DDAH1: variants seen among roughly 807,000 people sequenced by gnomAD.
DDAH1 encodes the protein dimethylarginine dimethylaminohydrolase 1.
In DDAH1, 19 loss-of-function variants were observed where a neutral mutation model predicts 28.8. That is an observed-to-expected ratio of 0.66 (90% CI 0.46 to 0.97). The LOEUF is 0.97. DDAH1 is among the 50% of genes least tolerant of loss of function. The pLI is 0.00. For synonymous variants in DDAH1, 153 were observed against 154.4 expected (o/e 0.99, Z 0.07); for missense variants, 326 against 375.9 (o/e 0.87, Z 1.10).
chr1:85,504,432 C>T (rs1294480457), intron 1 of DDAH1, among the ~76,000 whole-genome samples: 3 of 152,044 alleles, frequency 2.0e-5, no homozygotes, highest in African/African-American at 4.8e-5. Flanking sequence ...ATAAAATCTC[C>T]TGGGTCACTC....
intron 1 of DDAH1, among the ~76,000 whole-genome samples, chr1:85,444,477 CT>C (rs1557638887): frequency 6.6e-6 from 1 of 152,206 alleles, no homozygotes; most frequent in Non-Finnish European, 1.5e-5. Flanking sequence ...CTAAAATTCT[CT>C]TTTTTTGTTG....
chr1:85,557,705 T>C (rs1486380985), intron 1 of DDAH1, among the ~76,000 whole-genome samples: 2 of 152,170 alleles, frequency 1.3e-5, no homozygotes, highest in African/African-American at 2.4e-5. Flanking sequence ...TATTTGGAGA[T>C]AGGGTCTTTA....
At chr1:85,504,407 T>C (rs1381257620) in intron 1 of DDAH1, among the ~76,000 whole-genome samples, 1 of 152,158 alleles carries the variant, frequency 6.6e-6, no homozygotes, top group African/African-American at 2.4e-5. Context: ...CTCTCAACAA[T>C]AGTCTTTGGC....
chr1:85,361,997 C>T (rs1649820508), intron 1 of DDAH1, among the ~76,000 whole-genome samples: 1 of 152,138 alleles, frequency 6.6e-6, no homozygotes, highest in Non-Finnish European at 1.5e-5. Context: ...GTGACAGATA[C>T]TTGTACTATA....
chr1:85,442,314 T>C (rs1654235137), intron 1 of DDAH1, among the ~76,000 whole-genome samples: 1 of 152,166 alleles, frequency 6.6e-6, no homozygotes, highest in African/African-American at 2.4e-5. Flanking sequence ...TTGCTGAGAA[T>C]GATGGTTTCC....
At chr1:85,382,512 G>T (rs542065124) in intron 1 of DDAH1, among the ~76,000 whole-genome samples, 16 of 152,354 alleles carry the variant, frequency 1.1e-4, no homozygotes, top group Admixed American at 9.8e-4. Flanking sequence ...GAAGCTGCAA[G>T]AAGTTATTCA....
At chr1:85,363,604 C>CATT (rs1649901350) in intron 1 of DDAH1, among the ~76,000 whole-genome samples, 1 of 152,154 alleles carries the variant, frequency 6.6e-6, no homozygotes, top group Non-Finnish European at 1.5e-5. Flanking sequence ...TTGAGTGTGA[C>CATT]ATGTAGATAA....
At chr1:85,500,493 T>C (rs1453954406) in intron 1 of DDAH1, among the ~76,000 whole-genome samples, 1 of 152,156 alleles carries the variant, frequency 6.6e-6, no homozygotes, top group Non-Finnish European at 1.5e-5. Flanking sequence ...AAAACTTTTT[T>C]CTTTGATCCT....
intron 2 of DDAH1, among the ~76,000 whole-genome samples, chr1:85,357,361 G>C (rs233091): frequency 0.35 from 53,512 of 152,020 alleles, 9,518 homozygotes; most frequent in South Asian, 0.4. Context: ...CAATCCCTAA[G>C]AAGAATGGCG....
chr1:85,363,564 T>A (rs1649899712), intron 1 of DDAH1, among the ~76,000 whole-genome samples: 2 of 152,208 alleles, frequency 1.3e-5, no homozygotes, highest in African/African-American at 4.8e-5. Context: ...ATCTCCCAAC[T>A]TTTTGCTGAT....
At chr1:85,453,808 T>C (rs551839794) in intron 1 of DDAH1, among the ~76,000 whole-genome samples, 1 of 152,236 alleles carries the variant, frequency 6.6e-6, no homozygotes, top group East Asian at 1.9e-4. Flanking sequence ...TAGTGTTGCA[T>C]AAGTGTGAAG....
intron 1 of DDAH1, among the ~76,000 whole-genome samples, chr1:85,510,425 GA>G (rs1334593360): frequency 6.6e-6 from 1 of 152,190 alleles, no homozygotes; most frequent in Non-Finnish European, 1.5e-5. Flanking sequence ...TTGATGCTAT[GA>G]AGAAATTGCA....
chr1:85,324,272 A>T (rs372691025), intron 5 of DDAH1, among the ~76,000 whole-genome samples: 3 of 142,266 alleles, frequency 2.1e-5, no homozygotes, highest in Non-Finnish European at 3.0e-5. Flanking sequence ...CCTGTCTCAA[A>T]AATAATAATA....
rs941844752 is a variant in DDAH1 at position 85,350,027 on chromosome 1, G to A, written c.597+388C>T. 3.9e-5 allele frequency among the ~76,000 whole-genome samples: 6 copies of A among 152,296 alleles called. No homozygotes were observed. The East Asian group carries it at 5.8e-4, about 15-fold the overall frequency. On this transcript the variant is annotated intron_variant, in intron 4 of 5. Coordinates refer to ENST00000284031, the MANE Select transcript of DDAH1 (RefSeq NM_012137.4). ...TGAAATAGTCCAGACGCAACAAAAG[G>A]ATAAGAATAATATAACAAACCCTGT...
At chr1:85,422,709 C>T (rs1011015437) in intron 1 of DDAH1, among the ~76,000 whole-genome samples, 2 of 152,100 alleles carry the variant, frequency 1.3e-5, no homozygotes, top group South Asian at 4.1e-4. Flanking sequence ...AATGTTGATG[C>T]CCTAACCCCA....
At chr1:85,561,390 G>GA (rs953720326) in intron 1 of DDAH1, among the ~76,000 whole-genome samples, 4 of 151,908 alleles carry the variant, frequency 2.6e-5, no homozygotes, top group African/African-American at 9.7e-5. Context: ...GTTGTAAAAA[G>GA]AAAAAACTAC....
intron 1 of DDAH1, among the ~76,000 whole-genome samples, chr1:85,497,043 T>A (rs1656619379): frequency 1.3e-5 from 2 of 152,126 alleles, no homozygotes; most frequent in South Asian, 2.1e-4. Flanking sequence ...AAAAAATAAT[T>A]CTTATACCAG....
chr1:85,438,093 C>G (rs1355527425), intron 1 of DDAH1, among the ~76,000 whole-genome samples: 1 of 152,148 alleles, frequency 6.6e-6, no homozygotes, highest in Non-Finnish European at 1.5e-5. Context: ...AACCAAATAC[C>G]AGCATCTTCT....
chr1:85,569,671 C>T (rs1659396405), intron 1 of DDAH1, among the ~76,000 whole-genome samples: 1 of 152,172 alleles, frequency 6.6e-6, no homozygotes, highest in African/African-American at 2.4e-5. Flanking sequence ...GCAGGATGGC[C>T]CAGCTATGCA....
Sources: gnomAD v4.1 joint callset for allele counts (sites outside exome capture counted in the v4.1 genomes callset) on GRCh38, gnomAD v4.1.1 for gene constraint, MANE v1.5 for transcripts, NCBI Gene and HGNC (gene_info 2026-07-23, HGNC 2026-07-21) for gene names.